LRRC74A: variants seen among roughly 807,000 people sequenced by gnomAD.
LRRC74A encodes the protein leucine rich repeat containing 74A.
Under a neutral mutation model 57.9 loss-of-function variants are expected in LRRC74A, and 44 were observed. That is an observed-to-expected ratio of 0.76 (90% CI 0.60 to 0.98). LRRC74A has a LOEUF of 0.98. Among genes scored for constraint, LRRC74A ranks in the 50% least tolerant of loss-of-function variants. LRRC74A has a pLI of 0.00. For missense variants in LRRC74A, 572 were observed against 574.0 expected (o/e 1.00, Z 0.04); for synonymous variants, 211 against 219.4 (o/e 0.96, Z 0.34).
At chr14:76,841,496 G>C (rs1036068409) in intron 5 of LRRC74A, among the ~76,000 whole-genome samples, 1 of 151,398 alleles carries the variant, frequency 6.6e-6, no homozygotes, top group Non-Finnish European at 1.5e-5. Flanking sequence ...GGCTATTCTT[G>C]TGCAGTTTCT....
At chr14:76,855,258 G>T (rs1897799602) in intron 9 of LRRC74A, among the ~76,000 whole-genome samples, 1 of 152,182 alleles carries the variant, frequency 6.6e-6, no homozygotes, top group Non-Finnish European at 1.5e-5. Flanking sequence ...GTGGAGCGGG[G>T]CCAGGCACAA....
chr14:76,827,994 T>C (rs73308003), intron 1 of LRRC74A, among the ~76,000 whole-genome samples: 4,183 of 152,024 alleles, frequency 0.028, 193 homozygotes, highest in African/African-American at 0.096. Flanking sequence ...AATGGGAAAG[T>C]GTGAGCAAGG....
chr14:76,862,663 T>C (rs1898409595), intron 11 of LRRC74A, among the ~76,000 whole-genome samples: 1 of 151,676 alleles, frequency 6.6e-6, no homozygotes, highest in Admixed American at 6.6e-5. Flanking sequence ...TTGGAAGAGA[T>C]GGGAGTGGGT....
rs760223107 is a variant in LRRC74A at position 76,867,337 on chromosome 14, G to A, written c.1309-19G>A. On this transcript the variant is annotated intron_variant, in intron 12 of 13. Transcript: ENST00000689127. ...GAACAGAGTTCTATTAACTGCACAT[G>A]TTCCATCCACCTCCTCAGCAAAACA... The A allele has an allele frequency of 5.2e-6, 7 of 1,355,054 alleles. No individual in the cohort carries two copies. In the African/African-American group the frequency reaches 5.8e-5, roughly 11 times the overall value. The allele number at this position is 1,355,054 out of a possible 1,614,324, so 83.9% of individuals were successfully genotyped here.
chr14:76,833,408 G>C (rs1170983738), intron 3 of LRRC74A, among the ~76,000 whole-genome samples: 1 of 149,084 alleles, frequency 6.7e-6, no homozygotes, highest in Non-Finnish European at 1.5e-5. Context: ...GAGAGAGAAC[G>C]AGAGAGAGAG....
intron 5 of LRRC74A, among the ~76,000 whole-genome samples, chr14:76,843,088 C>A (rs995519811): frequency 6.6e-6 from 1 of 151,976 alleles, no homozygotes; most frequent in Non-Finnish European, 1.5e-5. Flanking sequence ...TTGAGACCAG[C>A]CTGACCAACA....
chr14:76,835,443 C>T (rs7154007), intron 3 of LRRC74A, among the ~76,000 whole-genome samples: 34,896 of 149,316 alleles, frequency 0.23, 4,395 homozygotes, highest in Middle Eastern at 0.35. Context: ...GCCGAGATCA[C>T]GCCACTGCAC....
In LRRC74A at chr14:76,828,291, A is replaced by T. The variant is rs2140250916; in HGVS notation, c.38A>T (p.Asp13Val). ...CAAGGAGATGAGTTTTTTCTTCCAGATGAGATTGAAATTGAGCCAGTACGA... is the reference window on the plus strand; with the variant it reads ...CAAGGAGATGAGTTTTTTCTTCCAGTTGAGATTGAAATTGAGCCAGTACGA... ...NDKPLQPETE[D>V]EIEIEPVRQS... Residue 13 changes from aspartate (D) to valine (V), a missense_variant and splice_region_variant, in exon 2 of 14, where the codon GAT becomes GTT. Coordinates refer to ENST00000689127, the MANE Select transcript of LRRC74A (RefSeq NM_001385106.1). 1.3e-6 allele frequency: 2 copies of T among 1,589,220 alleles called. No homozygotes were observed. Among genetic ancestry groups the T allele is most frequent in the East Asian group, 4.5e-5 (2 of 44,350 alleles).
At chr14:76,833,422 C>A (rs1036166230) in intron 3 of LRRC74A, among the ~76,000 whole-genome samples, 1 of 147,794 alleles carries the variant, frequency 6.8e-6, no homozygotes, top group Non-Finnish European at 1.5e-5. Context: ...GAGAGAGATG[C>A]CACATTCACA....
chr14:76,869,962 A>C (rs917011470), intron 13 of LRRC74A, among the ~76,000 whole-genome samples, 163 bp from the exon 14 acceptor site: 1 of 152,184 alleles, frequency 6.6e-6, no homozygotes, highest in Non-Finnish European at 1.5e-5. Flanking sequence ...ACACATGCAC[A>C]CATGTGTAGT....
At chr14:76,826,991 A>G in intron 1 of LRRC74A, among the ~76,000 whole-genome samples, 2 of 152,212 alleles carry the variant, frequency 1.3e-5, no homozygotes, top group East Asian at 3.8e-4. Flanking sequence ...CCACATTTAT[A>G]GTTTGAAATC....
intron 11 of LRRC74A, among the ~76,000 whole-genome samples, chr14:76,861,187 G>A (rs1207386311): frequency 6.6e-6 from 1 of 152,312 alleles, no homozygotes; most frequent in East Asian, 1.9e-4. Context: ...CCTGCAGAAT[G>A]GACACAACAG....
intron 11 of LRRC74A, among the ~76,000 whole-genome samples, chr14:76,863,826 T>C (rs1898525157): frequency 6.6e-6 from 1 of 152,218 alleles, no homozygotes; most frequent in South Asian, 2.1e-4. Context: ...GCACCCCAAC[T>C]GAGTTGCCAA....
intron 5 of LRRC74A, among the ~76,000 whole-genome samples, chr14:76,838,491 GAAAGAC>G (rs1276294230): frequency 6.8e-6 from 1 of 148,012 alleles, no homozygotes; most frequent in African/African-American, 2.4e-5. Flanking sequence ...TTGCAGCATA[GAAAGAC>G]AAAGACATAG....
intron 7 of LRRC74A, among the ~76,000 whole-genome samples, chr14:76,845,787 G>A (rs1314815756): frequency 7.9e-5 from 12 of 152,254 alleles, no homozygotes; most frequent in African/African-American, 2.9e-4. Context: ...TCGGGAGGCC[G>A]AGGTGGGCAG....
intron 7 of LRRC74A, among the ~76,000 whole-genome samples, chr14:76,850,449 G>A (rs1024033849): frequency 3.3e-5 from 5 of 151,482 alleles, no homozygotes; most frequent in Non-Finnish European, 7.4e-5. Context: ...GAGGGGAGGG[G>A]GTAATGAAGG....
chr14:76,827,687 G>A (rs1008712527), intron 1 of LRRC74A, among the ~76,000 whole-genome samples: 5 of 152,130 alleles, frequency 3.3e-5, no homozygotes, highest in South Asian at 2.1e-4. Context: ...AATTCATTTC[G>A]ACCCAAGGGA....
chr14:76,858,636 C>T (rs1279903053), intron 10 of LRRC74A, among the ~76,000 whole-genome samples: 1 of 152,038 alleles, frequency 6.6e-6, no homozygotes, highest in Non-Finnish European at 1.5e-5. Flanking sequence ...ACTCTGTTGC[C>T]CAGGCTGGAG....
chr14:76,852,706 C>T (rs758690559), intron 8 of LRRC74A, among the ~76,000 whole-genome samples: 28 of 151,346 alleles, frequency 1.9e-4, no homozygotes, highest in Non-Finnish European at 3.2e-4. Context: ...GCAGCCACCA[C>T]CTCCCTGGTT....
Sources: allele counts gnomAD v4.1 joint callset (sites outside exome capture counted in the v4.1 genomes callset), GRCh38; gene constraint gnomAD v4.1.1; transcripts MANE v1.5; gene names NCBI Gene and HGNC (gene_info 2026-07-23, HGNC 2026-07-21).